The following CSTPP1 variants were observed in gnomAD, a reference collection of about 807,000 sequenced individuals.
CSTPP1 encodes centriolar satellite-associated tubulin polyglutamylase complex regulator 1, also known as UPF0705 protein C11orf49.
At chr11:47,157,661 T>TCA in the CSTPP1 span, 1 of 431,516 alleles carries the variant, frequency 2.3e-6, no homozygotes, top group South Asian at 1.9e-5. Context: ...CAGCCCCTCC[T>TCA]GACCATAGTG....
the CSTPP1 span, among the ~76,000 whole-genome samples, chr11:47,027,380 G>T: frequency 6.6e-6 from 1 of 152,088 alleles, no homozygotes; most frequent in African/African-American, 2.4e-5. Context: ...AGATCCAATG[G>T]GGGGAAGAGT....
chr11:47,120,912 G>A, the CSTPP1 span, among the ~76,000 whole-genome samples: 1 of 152,200 alleles, frequency 6.6e-6, no homozygotes, highest in Non-Finnish European at 1.5e-5. This position sits in a 1 kb window ranked among gnomAD's most constrained non-coding sequence, Gnocchi z 4.2. Context: ...GAGTTTTACA[G>A]TTTTACAGCC....
At chr11:47,088,321 A>G in the CSTPP1 span, among the ~76,000 whole-genome samples, 1 of 152,192 alleles carries the variant, frequency 6.6e-6, no homozygotes, top group Non-Finnish European at 1.5e-5. Context: ...AATAGTCTAC[A>G]CTTAATATAC....
chr11:46,949,400 C>T, the CSTPP1 span, among the ~76,000 whole-genome samples: 2 of 152,200 alleles, frequency 1.3e-5, no homozygotes, highest in Admixed American at 6.5e-5. Context: ...AGTGAATGTA[C>T]AGGCAAAAGA....
At chr11:47,022,056 G>A in the CSTPP1 span, among the ~76,000 whole-genome samples, 7 of 145,140 alleles carry the variant, frequency 4.8e-5, no homozygotes, top group East Asian at 7.9e-4. Flanking sequence ...TTTTTATCAC[G>A]TAAGTCATAT....
At chr11:47,091,870 C>A in the CSTPP1 span, among the ~76,000 whole-genome samples, 2 of 152,212 alleles carry the variant, frequency 1.3e-5, no homozygotes, top group African/African-American at 4.8e-5. Context: ...TGATTCTCCC[C>A]TAGAACCTCC....
chr11:47,109,182 C>G, the CSTPP1 span: 1 of 152,146 alleles, frequency 6.6e-6, no homozygotes, highest in Admixed American at 6.6e-5. Context: ...CCCTGCACTT[C>G]TGATGTTCCC....
At chr11:47,033,215 C>A in the CSTPP1 span, among the ~76,000 whole-genome samples, 1 of 114,868 alleles carries the variant, frequency 8.7e-6, no homozygotes, top group South Asian at 2.9e-4. Flanking sequence ...TATGAAAACA[C>A]ATGGTGATTT....
chr11:47,002,556 A>G, the CSTPP1 span, among the ~76,000 whole-genome samples: 3 of 152,192 alleles, frequency 2.0e-5, no homozygotes, highest in Non-Finnish European at 4.4e-5. Flanking sequence ...CTCGTTTAGA[A>G]GTCAGAGTCA....
At chr11:46,953,118 C>T in the CSTPP1 span, among the ~76,000 whole-genome samples, 1 of 151,972 alleles carries the variant, frequency 6.6e-6, no homozygotes, top group Non-Finnish European at 1.5e-5. Context: ...TCAGAGAGGT[C>T]AAAGAAGATA....
chr11:47,144,535 T>C, the CSTPP1 span, among the ~76,000 whole-genome samples: 62 of 152,288 alleles, frequency 4.1e-4, 1 homozygote, highest in South Asian at 0.012. Flanking sequence ...TTATTAATAG[T>C]ACCAGATTAA....
the CSTPP1 span, among the ~76,000 whole-genome samples, chr11:47,064,697 C>T: frequency 2.6e-5 from 4 of 152,044 alleles, no homozygotes; most frequent in Non-Finnish European, 4.4e-5. Flanking sequence ...CTTATGATTA[C>T]TGTGGCTTTG....
At chr11:46,944,800 T>C in the CSTPP1 span, among the ~76,000 whole-genome samples, 4 of 152,292 alleles carry the variant, frequency 2.6e-5, no homozygotes, top group African/African-American at 9.6e-5. Context: ...TCCTCCGGCT[T>C]CCTTCCCATT....
At chr11:47,078,051 C>T in the CSTPP1 span, among the ~76,000 whole-genome samples, 1 of 152,054 alleles carries the variant, frequency 6.6e-6, no homozygotes, top group African/African-American at 2.4e-5. Context: ...AAATTAGTAT[C>T]ATGAAAAGAT....
chr11:46,976,170 C>T, the CSTPP1 span, among the ~76,000 whole-genome samples: 1 of 152,122 alleles, frequency 6.6e-6, no homozygotes, highest in Admixed American at 6.6e-5. Context: ...TTAGGGTGTT[C>T]TTGAATGCTC....
the CSTPP1 span, among the ~76,000 whole-genome samples, chr11:46,989,003 G>A: frequency 5.3e-5 from 8 of 151,906 alleles, no homozygotes; most frequent in African/African-American, 1.9e-4. Flanking sequence ...AGGCTGAGGT[G>A]GGCAGATCAT....
At chr11:47,022,326 CATACTATTTTCTTT>C in the CSTPP1 span, among the ~76,000 whole-genome samples, 9 of 134,032 alleles carry the variant, frequency 6.7e-5, no homozygotes, top group Admixed American at 5.3e-4. Context: ...TCCATTTCTT[CATACTATTTTCTTT>C]CATATCTTTC....
chr11:47,054,495 T>C, the CSTPP1 span, among the ~76,000 whole-genome samples: 2 of 152,026 alleles, frequency 1.3e-5, no homozygotes, highest in Non-Finnish European at 2.9e-5. Context: ...AATTTTTTTG[T>C]AGAGACGGGG....
At chr11:47,057,224 C>T in the CSTPP1 span, among the ~76,000 whole-genome samples, 1 of 152,228 alleles carries the variant, frequency 6.6e-6, no homozygotes, top group South Asian at 2.1e-4. Context: ...ACACTTCTCA[C>T]TTTGCTAATT....
Sources: gnomAD v4.1 joint callset for allele counts (sites outside exome capture counted in the v4.1 genomes callset) on GRCh38, gnomAD v4.1.1 for gene constraint, Gnocchi (gnomAD v3.1) non-coding constraint, MANE v1.5 for transcripts, NCBI Gene and HGNC (gene_info 2026-07-23, HGNC 2026-07-21) for gene names.